EFCAB11: variants seen among roughly 807,000 people sequenced by gnomAD.
The protein encoded by EFCAB11 is EF-hand calcium binding domain 11.
A neutral mutation model predicts 23.0 loss-of-function variants in EFCAB11; 14 were observed. The ratio of observed to expected loss-of-function variants is 0.61; its 90% CI spans 0.40 to 0.95. The LOEUF (loss-of-function observed/expected upper bound fraction) is 0.95. EFCAB11 is among the 40% of genes least tolerant of loss of function. The pLI is 0.00. For synonymous variants in EFCAB11, 65 were observed against 66.6 expected (o/e 0.98, Z 0.11); for missense variants, 198 against 195.8 (o/e 1.01, Z -0.07).
intron 5 of EFCAB11, among the ~76,000 whole-genome samples, chr14:89,843,084 T>C (rs2140130119): frequency 6.6e-6 from 1 of 152,274 alleles, no homozygotes; most frequent in East Asian, 1.9e-4. Context: ...CACTCCTGTC[T>C]AGTACACAAT....
intron 5 of EFCAB11, among the ~76,000 whole-genome samples, chr14:89,870,791 A>T (rs1596413315): frequency 2.7e-5 from 3 of 110,232 alleles, no homozygotes; most frequent in African/African-American, 9.8e-5. Context: ...AAAAAAAAAA[A>T]TTAGCCAGGC....
intron 5 of EFCAB11, among the ~76,000 whole-genome samples, chr14:89,852,606 C>G (rs931511024): frequency 2.0e-5 from 3 of 152,106 alleles, no homozygotes; most frequent in African/African-American, 7.2e-5. Context: ...AATAAGTTTC[C>G]TATCTTGGTT....
chr14:89,925,386 A>T (rs1890157350), intron 5 of EFCAB11, among the ~76,000 whole-genome samples: 1 of 152,150 alleles, frequency 6.6e-6, no homozygotes, highest in East Asian at 1.9e-4. Flanking sequence ...AGCACTACAA[A>T]ATTTTCAGTC....
At chr14:89,948,509 A>G (rs939095508) in intron 3 of EFCAB11, among the ~76,000 whole-genome samples, 5 of 152,232 alleles carry the variant, frequency 3.3e-5, no homozygotes, top group African/African-American at 1.2e-4. Flanking sequence ...AAGGAAATCA[A>G]CATATGGAAG....
At chr14:89,943,082 GC>G (rs1400021482) in intron 3 of EFCAB11, among the ~76,000 whole-genome samples, 1 of 152,076 alleles carries the variant, frequency 6.6e-6, no homozygotes, top group East Asian at 1.9e-4. Flanking sequence ...ACTGGGCCCT[GC>G]AAAAGAATCC....
At chr14:89,855,197 G>A (rs1887713855) in intron 5 of EFCAB11, among the ~76,000 whole-genome samples, 1 of 151,476 alleles carries the variant, frequency 6.6e-6, no homozygotes, top group Non-Finnish European at 1.5e-5. Flanking sequence ...TAAATGTTAG[G>A]CCAGGTGTGG....
intron 5 of EFCAB11, among the ~76,000 whole-genome samples, chr14:89,873,914 C>A (rs1315623922): frequency 1.3e-5 from 2 of 152,190 alleles, no homozygotes; most frequent in Non-Finnish European, 2.9e-5. Flanking sequence ...GTCAGTTGGT[C>A]TATCATTCTG....
chr14:89,818,945 C>T lies in EFCAB11; in HGVS notation c.411-21621G>A, dbSNP rs538270268. ...GAAATGAAAACAGGTACAGCCACTT[C>T]GGAAAAATTAGGCAGTTTTGTAAAA... On this transcript the variant is annotated intron_variant, in intron 5 of 5. Coordinates refer to ENST00000316738, the MANE Select transcript of EFCAB11 (RefSeq NM_145231.4). Among the ~76,000 whole-genome samples, 8 of 152,282 alleles carry T rather than the reference C, an allele frequency of 5.3e-5. No individual in the cohort carries two copies. The South Asian group carries it at 6.2e-4, about 12-fold the overall frequency.
At chr14:89,897,977 A>T (rs1359323796) in intron 5 of EFCAB11, among the ~76,000 whole-genome samples, 1 of 152,244 alleles carries the variant, frequency 6.6e-6, no homozygotes, top group Non-Finnish European at 1.5e-5. Flanking sequence ...AACTGAAAAG[A>T]TGTCATCAAC....
intron 5 of EFCAB11, among the ~76,000 whole-genome samples, chr14:89,901,168 A>G (rs1349033678): frequency 6.6e-6 from 1 of 152,228 alleles, no homozygotes; most frequent in African/African-American, 2.4e-5. Context: ...TTCCCAGAAG[A>G]GAGGTATTCA....
chr14:89,940,545 G>A (rs902072883), intron 3 of EFCAB11, among the ~76,000 whole-genome samples: 3 of 152,216 alleles, frequency 2.0e-5, no homozygotes, highest in African/African-American at 4.8e-5. Flanking sequence ...ACACTGGATA[G>A]CAGTCACACA....
intron 5 of EFCAB11, among the ~76,000 whole-genome samples, chr14:89,904,660 T>C (rs11623452): frequency 0.025 from 3,815 of 152,318 alleles, 60 homozygotes; most frequent in Non-Finnish European, 0.039. Flanking sequence ...TTTTTAATGA[T>C]CGCCATTCTA....
chr14:89,911,643 T>C (rs1312805980), intron 5 of EFCAB11, among the ~76,000 whole-genome samples: 4 of 152,212 alleles, frequency 2.6e-5, no homozygotes, highest in African/African-American at 9.6e-5. Flanking sequence ...AGTCTTGAGA[T>C]GAAACAAGTC....
chr14:89,839,387 C>T (rs1887187136), intron 5 of EFCAB11, among the ~76,000 whole-genome samples: 1 of 152,112 alleles, frequency 6.6e-6, no homozygotes. Flanking sequence ...AGAGGGGCTT[C>T]TTTTTCTAAC....
At position 89,834,403 on chromosome 14, in the gene EFCAB11, A is replaced by AAAAAAAAAAAAAAAAAAAAAAAAAAAAAC; in HGVS notation, c.411-37080_411-37079insGTTTTTTTTTTTTTTTTTTTTTTTTTTTT. On this transcript the variant is annotated intron_variant, in intron 5 of 5. Coordinates refer to ENST00000316738, the MANE Select transcript of EFCAB11 (RefSeq NM_145231.4). ...AAAAAAAAAAAAAAAAAAAAAAAAA[A>AAAAAAAAAAAAAAAAAAAAAAAAAAAAAC]CCTTTTTGTTTAAACTTCTAAAGAT... Among the ~76,000 whole-genome samples, 2 of 101,398 alleles carry AAAAAAAAAAAAAAAAAAAAAAAAAAAAAC rather than the reference A, an allele frequency of 2.0e-5. 1 individual carries two copies. Among genetic ancestry groups the AAAAAAAAAAAAAAAAAAAAAAAAAAAAAC allele is most frequent in the Non-Finnish European group, 3.9e-5 (2 of 50,668 alleles). 66.5% of individuals were successfully genotyped at this position (101,398 alleles called of 152,430 possible).
intron 5 of EFCAB11, among the ~76,000 whole-genome samples, chr14:89,802,414 C>G (rs770868904): frequency 6.6e-6 from 1 of 152,050 alleles, no homozygotes; most frequent in South Asian, 2.1e-4. Flanking sequence ...TATTTAGAGA[C>G]AGAGTCTTGC....
intron 5 of EFCAB11, among the ~76,000 whole-genome samples, chr14:89,886,007 T>G (rs1477175058): frequency 6.6e-6 from 1 of 151,278 alleles, no homozygotes; most frequent in East Asian, 1.9e-4. Flanking sequence ...CTGCCAGACA[T>G]CAAGATTACA....
intron 5 of EFCAB11, among the ~76,000 whole-genome samples, chr14:89,862,775 C>G (rs933295710): frequency 4.6e-5 from 7 of 152,192 alleles, no homozygotes; most frequent in African/African-American, 1.7e-4. Context: ...TACAAAATAA[C>G]TGATGTCTGA....
At chr14:89,918,095 A>G (rs1889907872) in intron 5 of EFCAB11, among the ~76,000 whole-genome samples, 1 of 152,156 alleles carries the variant, frequency 6.6e-6, no homozygotes, top group South Asian at 2.1e-4. Flanking sequence ...GATGGATATG[A>G]GTATATCTTC....
Sources: gnomAD v4.1 joint callset for allele counts (sites outside exome capture counted in the v4.1 genomes callset) on GRCh38, gnomAD v4.1.1 for gene constraint, MANE v1.5 for transcripts, NCBI Gene and HGNC (gene_info 2026-07-23, HGNC 2026-07-21) for gene names.